COL21A1: variants seen among roughly 807,000 people sequenced by gnomAD.
COL21A1 encodes collagen type XXI alpha 1 chain, also known as collagen alpha-1(XXI) chain.
COL21A1 carries 149 observed loss-of-function variants against 137.9 expected under a neutral mutation model. The observed-to-expected ratio is 1.08, with a 90% confidence interval of 0.95 to 1.24. The LOEUF is 1.24. Among genes scored for constraint, COL21A1 ranks in the 50% most tolerant of loss-of-function variants. The probability of loss-of-function intolerance (pLI) is 0.00; values close to 1 mark genes in which losing one functional copy is unlikely to be tolerated. For missense variants in COL21A1, 1,167 were observed against 1,158.4 expected (o/e 1.01, Z -0.11); for synonymous variants, 456 against 391.5 (o/e 1.16, Z -1.95).
In COL21A1 at chr6:56,069,080, C is replaced by T; in HGVS notation, c.2057G>A (p.Gly686Glu). ...TTGAATCCCGGGTAAACCCATGTAT[C>T]CTGGTTCTCCTGGGGAACCCGTTGC... is the stretch of plus-strand genomic sequence containing the variant. ...PGATGSPGEP[G>E]YMGLPGIQGK... Residue 686 changes from glycine to glutamate, a missense_variant, in exon 22 of 30, where the codon GGA becomes GAA. Physicochemically the swap from Gly to Glu is moderately conservative, Grantham distance 98 (BLOSUM62 -2). Transcript: ENST00000244728. 2 of 1,600,124 alleles carry T rather than the reference C, an allele frequency of 1.2e-6. No homozygotes were observed. Among genetic ancestry groups the T allele is most frequent in the Non-Finnish European group, 1.7e-6 (2 of 1,173,274 alleles).
intron 1 of COL21A1, among the ~76,000 whole-genome samples, chr6:56,328,914 A>C (rs1211479738): frequency 6.6e-6 from 1 of 152,090 alleles, no homozygotes; most frequent in East Asian, 1.9e-4. Context: ...CTCCAGTAGC[A>C]GCAAGGCTCC....
intron 1 of COL21A1, among the ~76,000 whole-genome samples, chr6:56,268,988 TAAC>T (rs1763459673): frequency 6.6e-6 from 1 of 152,180 alleles, no homozygotes; most frequent in Non-Finnish European, 1.5e-5. Context: ...TTGGAAGTAT[TAAC>T]AGCAGAATAG....
chr6:56,258,842 T>C (rs1763180244), intron 1 of COL21A1, among the ~76,000 whole-genome samples: 1 of 152,198 alleles, frequency 6.6e-6, no homozygotes, highest in African/African-American at 2.4e-5. Context: ...CTCAAATGTG[T>C]TTCACAAACA....
intron 14 of COL21A1, among the ~76,000 whole-genome samples, chr6:56,124,714 T>C (rs917158074): frequency 6.6e-6 from 1 of 152,148 alleles, no homozygotes; most frequent in African/African-American, 2.4e-5. Context: ...CAATCTCCGC[T>C]CACTGCAAGC....
At chr6:56,240,752 C>T (rs1021774696) in intron 1 of COL21A1, among the ~76,000 whole-genome samples, 18 of 152,182 alleles carry the variant, frequency 1.2e-4, no homozygotes, top group African/African-American at 4.1e-4. Context: ...TCCAGCATCT[C>T]AGTAAGTTGG....
chr6:56,109,953 A>C (rs1228927084), intron 16 of COL21A1, among the ~76,000 whole-genome samples: 1 of 152,050 alleles, frequency 6.6e-6, no homozygotes, highest in Non-Finnish European at 1.5e-5. Flanking sequence ...AAGAAATGAC[A>C]CTAACACTAC....
chr6:56,087,514 A>G (rs1312594552), intron 17 of COL21A1, among the ~76,000 whole-genome samples: 2 of 152,166 alleles, frequency 1.3e-5, no homozygotes, highest in African/African-American at 2.4e-5. Context: ...CTTACTAGCA[A>G]TGTACTTCCT....
chr6:56,147,948 T>C (rs1271474167), intron 10 of COL21A1, among the ~76,000 whole-genome samples: 1 of 149,064 alleles, frequency 6.7e-6, no homozygotes, highest in Non-Finnish European at 1.5e-5. Flanking sequence ...TATCTCTTGT[T>C]TGGATTATAC....
At chr6:56,321,203 G>A (rs190502315) in intron 1 of COL21A1, among the ~76,000 whole-genome samples, 10 of 152,196 alleles carry the variant, frequency 6.6e-5, no homozygotes, top group Admixed American at 5.9e-4. Flanking sequence ...GGCATTGATT[G>A]CCATTTGTTT....
chr6:56,202,199 A>G (rs891940896), intron 1 of COL21A1, among the ~76,000 whole-genome samples: 2 of 152,162 alleles, frequency 1.3e-5, no homozygotes, highest in Admixed American at 6.6e-5. Flanking sequence ...AAAGGTAACT[A>G]AAGAGTATAC....
intron 1 of COL21A1, among the ~76,000 whole-genome samples, chr6:56,225,692 GC>G (rs1448770835): frequency 4.6e-5 from 7 of 151,936 alleles, no homozygotes; most frequent in Non-Finnish European, 8.8e-5. Context: ...CATATTCATG[GC>G]CTTTAATTTT....
Position 56,168,232 on chromosome 6 carries a change from A to G in COL21A1, c.1092T>C (p.Tyr364=), listed in dbSNP as rs764859849. The change falls in exon 6 of 30, where the codon TAT becomes TAC. Residue 364 remains tyrosine (Y), a synonymous_variant. Transcript: ENST00000244728. The part of the protein sequence containing the change: ...LLVTEQDVTL[Y]IDDQQIENKP... ...TGTTTTCAATTTGTTGGTCATCAATATACAAAGTCACATCTTGTTCTGTTA... is the reference window on the plus strand; with the variant it reads ...TGTTTTCAATTTGTTGGTCATCAATGTACAAAGTCACATCTTGTTCTGTTA... 2 of 1,573,634 alleles carry G rather than the reference A, an allele frequency of 1.3e-6. No homozygotes were observed. The highest frequency in any genetic ancestry group is 1.8e-5 in the Admixed American group (1 of 55,640).
At chr6:56,248,602 C>G (rs1476456118), upstream of COL21A1, among the ~76,000 whole-genome samples, 1 of 152,190 alleles carries the variant, frequency 6.6e-6, no homozygotes, top group East Asian at 1.9e-4. Context: ...TCCCCTGAGC[C>G]TAGAACAATA....
At chr6:56,113,749 A>T (rs1255698231) in intron 16 of COL21A1, among the ~76,000 whole-genome samples, 1 of 152,120 alleles carries the variant, frequency 6.6e-6, no homozygotes, top group Non-Finnish European at 1.5e-5. Context: ...GTAGAGCACC[A>T]AGCAGAGTCT....
At chr6:56,268,973 T>C (rs1324498316) in intron 1 of COL21A1, among the ~76,000 whole-genome samples, 1 of 152,146 alleles carries the variant, frequency 6.6e-6, no homozygotes, top group Non-Finnish European at 1.5e-5. Flanking sequence ...AATTTCATAA[T>C]ACAATTGGAA....
chr6:56,291,401 G>C (rs894947490), intron 1 of COL21A1, among the ~76,000 whole-genome samples: 1 of 152,206 alleles, frequency 6.6e-6, no homozygotes, highest in Admixed American at 6.5e-5. Flanking sequence ...GAAAGGAACC[G>C]CTGCTGCCAG....
intron 17 of COL21A1, chr6:56,078,282 C>T (rs1441843621): frequency 4.4e-6 from 2 of 449,476 alleles, no homozygotes; most frequent in African/African-American, 4.0e-5. Flanking sequence ...CTATTGTCTG[C>T]CTTTTGATGC....
At position 56,098,064 on chromosome 6, in the gene COL21A1, T is replaced by A. The variant is rs1348511529; in HGVS notation, c.1812+3408A>T. ...ATAAATATATATAAATATATATAAA[T>A]ATATAAATATATATAAATATAAATA... On this transcript the variant is annotated intron_variant, in intron 17 of 29. Coordinates refer to ENST00000244728, the MANE Select transcript of COL21A1 (RefSeq NM_030820.4). Among the ~76,000 whole-genome samples, 2 of 50,968 alleles carry A rather than the reference T, an allele frequency of 3.9e-5. 1 individual carries two copies. Among genetic ancestry groups the A allele is most frequent in the Admixed American group, 7.8e-4 (2 of 2,570 alleles). The allele number at this position is 50,968 out of a possible 152,430, so 33.4% of individuals were successfully genotyped here.
intron 10 of COL21A1, among the ~76,000 whole-genome samples, chr6:56,143,100 CTTA>C (rs1249387375): frequency 1.3e-5 from 2 of 151,544 alleles, no homozygotes; most frequent in African/African-American, 4.9e-5. Flanking sequence ...AAAGATCAGT[CTTA>C]TTGTTTTTCT....
Sources: gnomAD v4.1 joint callset for allele counts (sites outside exome capture counted in the v4.1 genomes callset) on GRCh38, gnomAD v4.1.1 for gene constraint, MANE v1.5 for transcripts, NCBI Gene and HGNC (gene_info 2026-07-23, HGNC 2026-07-21) for gene names.